CTNNA2: variants seen among roughly 807,000 people sequenced by gnomAD.
CTNNA2 encodes catenin alpha-2.
Under a neutral mutation model 101.0 loss-of-function variants are expected in CTNNA2, and 42 were observed. That is an observed-to-expected ratio of 0.42 (90% CI 0.32 to 0.54). CTNNA2 has a LOEUF of 0.54. CTNNA2 is among the 20% of genes least tolerant of loss of function. The pLI is 0.14. For synonymous variants in CTNNA2, 450 were observed against 456.4 expected, an observed-to-expected ratio of 0.99 and a Z score of 0.18; for missense variants, 871 against 1,223.1, an observed-to-expected ratio of 0.71 and a Z score of 4.29.
chr2:80,619,354 G>A lies in CTNNA2; in HGVS notation c.2574+126G>A, dbSNP rs1670856000. 3 of 1,068,988 alleles carry A rather than the reference G, an allele frequency of 2.8e-6. No individual in the cohort carries two copies. The East Asian group carries it at 9.0e-5, about 32-fold the overall frequency. 66.2% of individuals were successfully genotyped at this position (1,068,988 alleles called of 1,614,324 possible). On this transcript the variant is annotated intron_variant, in intron 18 of 18. Transcript: ENST00000402739. ...AGGCCTCTTAATATTAACCAACTTT[G>A]GGCAAAGGACTTATTTATTCTTTAT...
chr2:79,763,555 A>G (rs1211460388), intron 3 of CTNNA2, among the ~76,000 whole-genome samples: 2 of 152,206 alleles, frequency 1.3e-5, no homozygotes, highest in Non-Finnish European at 2.9e-5. Context: ...GAGTATTATT[A>G]TAAGTACTAA....
intron 1 of CTNNA2, among the ~76,000 whole-genome samples, chr2:79,560,016 C>A (rs1309445661): frequency 6.6e-6 from 1 of 151,566 alleles, no homozygotes; most frequent in Non-Finnish European, 1.5e-5. Flanking sequence ...TATTTAACAT[C>A]TCTAGCGCCT....
rs11346721 is a variant in CTNNA2, at chr2:79,668,425, G to GT, written c.102+16775dup. Among the ~76,000 whole-genome samples the GT allele has an allele frequency of 6.6e-5, 10 of 151,542 alleles. No individual in the cohort carries two copies. The East Asian group carries it at 1.4e-3, about 21-fold the overall frequency. On this transcript the variant is annotated intron_variant, in intron 2 of 18. Transcript: ENST00000402739. ...CCTCACATCTTTTAAAACTCTGTTA[G>GT]TTTTTTTTAACACTTACTACCTTTT... is the stretch of plus-strand genomic sequence containing the variant.
At chr2:79,911,144 C>T (rs1268840835) in intron 7 of CTNNA2, among the ~76,000 whole-genome samples, 1 of 152,340 alleles carries the variant, frequency 6.6e-6, no homozygotes, top group East Asian at 1.9e-4. Flanking sequence ...TAGGGTGCAG[C>T]TAGAAATGTT....
intron 4 of CTNNA2, among the ~76,000 whole-genome samples, chr2:79,415,618 A>C (rs1447542789): frequency 1.3e-5 from 2 of 152,168 alleles, no homozygotes; most frequent in Non-Finnish European, 2.9e-5. Context: ...GAAAATGCTT[A>C]AGGAATACTA....
intron 9 of CTNNA2, among the ~76,000 whole-genome samples, chr2:80,542,682 A>G (rs1691676469): frequency 6.6e-6 from 1 of 152,112 alleles, no homozygotes; most frequent in African/African-American, 2.4e-5. Context: ...ACTGTTTGCA[A>G]AAGTGTGATC....
intron 1 of CTNNA2, among the ~76,000 whole-genome samples, chr2:79,191,957 T>C (rs1376415569): frequency 6.6e-6 from 1 of 152,180 alleles, no homozygotes; most frequent in Non-Finnish European, 1.5e-5. Context: ...CATTCCATGG[T>C]TGCTGGTCAC....
chr2:79,625,887 T>A (rs1379118130), intron 1 of CTNNA2, among the ~76,000 whole-genome samples: 2 of 152,302 alleles, frequency 1.3e-5, no homozygotes, highest in East Asian at 3.9e-4. Context: ...CCTTTGTAAA[T>A]AGTTGATGAG....
chr2:79,669,475 T>A (rs2104573911), intron 2 of CTNNA2, among the ~76,000 whole-genome samples: 1 of 152,166 alleles, frequency 6.6e-6, no homozygotes, highest in East Asian at 1.9e-4. Flanking sequence ...AAGAATGAGG[T>A]GCGCAGACAA....
At chr2:79,787,121 A>C (rs1179068356) in intron 3 of CTNNA2, among the ~76,000 whole-genome samples, 1 of 152,180 alleles carries the variant, frequency 6.6e-6, no homozygotes. Flanking sequence ...GACTTCCTTG[A>C]AACAGGTGCT....
In CTNNA2 at chr2:79,340,813, T is replaced by A. The variant is rs13001116; in HGVS notation, c.-318+28017T>A. ...CGCGCCACTGCACTCCAGCCTGGGC[T>A]ACAGAGCGAGACTCAGTCTCAAAAA... On this transcript the variant is annotated intron_variant, in intron 3 of 21. Transcript: ENST00000466387. Among the ~76,000 whole-genome samples the A allele has an allele frequency of 6.7e-5, 9 of 133,370 alleles. No homozygotes were observed. In the South Asian group the frequency reaches 1.8e-3, roughly 27 times the overall value. The allele number at this position is 133,370 out of a possible 152,430, so 87.5% of individuals were successfully genotyped here.
intron 7 of CTNNA2, among the ~76,000 whole-genome samples, chr2:80,224,510 T>C (rs1249455479): frequency 6.6e-6 from 1 of 151,684 alleles, no homozygotes; most frequent in Non-Finnish European, 1.5e-5. Context: ...AGTGGTGTGA[T>C]CTCGGCTCAC....
intron 7 of CTNNA2, among the ~76,000 whole-genome samples, chr2:79,921,334 A>G (rs545986494): frequency 2.8e-4 from 42 of 152,310 alleles, no homozygotes; most frequent in Non-Finnish European, 2.6e-4. Context: ...ATAACTTTGT[A>G]AGAAATCATC....
chr2:79,801,557 C>A (rs1405768148), intron 3 of CTNNA2, among the ~76,000 whole-genome samples: 3 of 148,224 alleles, frequency 2.0e-5, no homozygotes, highest in South Asian at 2.2e-4. Context: ...CCTGTCTCTG[C>A]AGATTCCCAG....
At chr2:80,433,591 G>T (rs189307280) in intron 9 of CTNNA2, among the ~76,000 whole-genome samples, 2 of 152,024 alleles carry the variant, frequency 1.3e-5, no homozygotes, top group South Asian at 4.1e-4. Flanking sequence ...AAAAGAAAGG[G>T]AAAGCAGGGA....
chr2:79,480,762 A>G (rs778856024), intron 4 of CTNNA2, among the ~76,000 whole-genome samples: 5 of 152,156 alleles, frequency 3.3e-5, no homozygotes, highest in Non-Finnish European at 5.9e-5. Flanking sequence ...TTCCATGACC[A>G]TATAATCTCT....
chr2:79,794,843 C>T (rs1018618834), intron 3 of CTNNA2, among the ~76,000 whole-genome samples: 1 of 152,180 alleles, frequency 6.6e-6, no homozygotes. Flanking sequence ...CAGCATCTTA[C>T]TTCAGGCTCC....
intron 7 of CTNNA2, among the ~76,000 whole-genome samples, chr2:80,290,659 T>C (rs534843671): frequency 4.6e-5 from 7 of 152,284 alleles, no homozygotes; most frequent in African/African-American, 1.7e-4. Flanking sequence ...GTTGTATATC[T>C]TTTTATGTAC....
At chr2:79,839,232 G>C (rs1469356220) in intron 3 of CTNNA2, among the ~76,000 whole-genome samples, 1 of 151,872 alleles carries the variant, frequency 6.6e-6, no homozygotes, top group African/African-American at 2.4e-5. Context: ...TCATTATGTT[G>C]AATATATTGT....
Sources: allele counts gnomAD v4.1 joint callset (sites outside exome capture counted in the v4.1 genomes callset), GRCh38; gene constraint gnomAD v4.1.1; transcripts MANE v1.5; gene names NCBI Gene and HGNC (gene_info 2026-07-23, HGNC 2026-07-21).